FAT4: variants seen among roughly 807,000 people sequenced by gnomAD.
The protein encoded by FAT4 is FAT atypical cadherin 4, also known as protocadherin Fat 4.
In FAT4, 84 loss-of-function variants were observed where a neutral mutation model predicts 303.9. That is an observed-to-expected ratio of 0.28 (90% confidence interval 0.23 to 0.33). The LOEUF (loss-of-function observed/expected upper bound fraction) is 0.33. FAT4 is among the 10% of genes least tolerant of loss of function. FAT4 has a pLI of 1.00. For missense variants in FAT4, 6,005 were observed against 6,146.8 expected (o/e 0.98, Z 0.77); for synonymous variants, 2,307 against 2,298.8 (o/e 1.00, Z -0.10).
chr4:125,393,539 C>T (rs917476844), intron 2 of FAT4, among the ~76,000 whole-genome samples: 3 of 152,086 alleles, frequency 2.0e-5, no homozygotes, highest in Non-Finnish European at 4.4e-5. Context: ...AATTAATCCC[C>T]ATGTATAATA....
chr4:125,387,437 T>C (rs1345544971), intron 2 of FAT4, among the ~76,000 whole-genome samples: 1 of 152,222 alleles, frequency 6.6e-6, no homozygotes, highest in Non-Finnish European at 1.5e-5. Flanking sequence ...ATTGTACTTG[T>C]GCCATTATTT....
chr4:125,319,101 TAG>T lies in FAT4; in HGVS notation c.2695_2696del (p.Ser899CysfsTer22). 1 of 1,614,094 alleles carries T rather than the reference TAG, an allele frequency of 6.2e-7. No individual in the cohort carries two copies. Among genetic ancestry groups the T allele is most frequent in the Non-Finnish European group, 8.5e-7 (1 of 1,180,004 alleles). ...AACTCTCCCCATTTCCTTCAGGCAA[TAG>T]AGAGTGTAAATGTGGTGGAGAATTG... On this transcript the variant is annotated frameshift_variant, in exon 2 of 18. Coordinates refer to ENST00000394329, the MANE Select transcript of FAT4 (RefSeq NM_001291303.3). LOFTEE classifies it high-confidence loss of function.
At chr4:125,358,522 A>G (rs1258070792) in intron 2 of FAT4, among the ~76,000 whole-genome samples, 2 of 152,044 alleles carry the variant, frequency 1.3e-5, no homozygotes, top group Non-Finnish European at 2.9e-5. Context: ...GGAGCGTGCA[A>G]CTTAGATCCC....
intron 8 of FAT4, among the ~76,000 whole-genome samples, chr4:125,444,848 A>G (rs1219330122): frequency 6.6e-6 from 1 of 152,138 alleles, no homozygotes; most frequent in African/African-American, 2.4e-5. Flanking sequence ...GGTTCCAAAA[A>G]TAAAATTACA....
At position 125,364,495 on chromosome 4, in the gene FAT4, T is replaced by C. The variant is rs1017145938; in HGVS notation, c.5176-34289T>C. ...GAGAAAGAATAGGGGACTTTCAGAATATATTAGAAGGGAACCCAAACTAGA... is the reference window on the plus strand; with the variant it reads ...GAGAAAGAATAGGGGACTTTCAGAACATATTAGAAGGGAACCCAAACTAGA... On this transcript the variant is annotated intron_variant, in intron 2 of 17. Coordinates refer to ENST00000394329, the MANE Select transcript of FAT4 (RefSeq NM_001291303.3). 6.0e-5 allele frequency among the ~76,000 whole-genome samples: 9 copies of C among 151,256 alleles called. 1 individual carries two copies. The highest frequency in any genetic ancestry group is 5.3e-4 in the Admixed American group (8 of 15,128).
intron 16 of FAT4, among the ~76,000 whole-genome samples, chr4:125,484,934 C>T (rs2126090274): frequency 6.6e-6 from 1 of 152,030 alleles, no homozygotes; most frequent in East Asian, 2.0e-4. Flanking sequence ...CTCACTGCAG[C>T]CTCTGCCTCC....
chr4:125,344,302 A>T (rs1469723074), intron 2 of FAT4, among the ~76,000 whole-genome samples: 1 of 152,186 alleles, frequency 6.6e-6, no homozygotes, highest in African/African-American at 2.4e-5. Flanking sequence ...CAAATTTATT[A>T]GGTGAATTAT....
At chr4:125,406,809 G>T in intron 3 of FAT4, 71 bp from the exon 4 acceptor site, 21 of 1,524,518 alleles carry the variant, frequency 1.4e-5, no homozygotes, top group Non-Finnish European at 1.7e-5. Context: ...TCAAATACAT[G>T]TTCAAAAGAA....
chr4:125,403,563 C>T (rs1734469861), intron 3 of FAT4, among the ~76,000 whole-genome samples: 2 of 152,024 alleles, frequency 1.3e-5, no homozygotes, highest in Admixed American at 1.3e-4. Flanking sequence ...CTGACACCCA[C>T]ATAAAATGAC....
At chr4:125,350,700 G>T (rs947554133) in intron 2 of FAT4, among the ~76,000 whole-genome samples, 4 of 151,632 alleles carry the variant, frequency 2.6e-5, no homozygotes, top group African/African-American at 9.7e-5. Flanking sequence ...TGGAAAAATG[G>T]TTACTGGCGG....
In FAT4 at chr4:125,408,799, G is replaced by T; in HGVS notation, c.5920+5G>T. ...ATGTTACTGATGCAGATGATGGTAT[G>T]TATTTTATTTAATATAATTTTTAAA... On this transcript the variant is annotated splice_donor_5th_base_variant and intron_variant, in intron 5 of 17. Coordinates refer to ENST00000394329, the MANE Select transcript of FAT4 (RefSeq NM_001291303.3). The T allele has an allele frequency of 7.4e-7, 1 of 1,354,958 alleles. No homozygotes were observed. The highest frequency in any genetic ancestry group is 9.9e-7 in the Non-Finnish European group (1 of 1,005,852). 83.9% of individuals were successfully genotyped at this position (1,354,958 alleles called of 1,614,324 possible).
At chr4:125,465,743 G>A (rs370068418) in intron 11 of FAT4, among the ~76,000 whole-genome samples, 3 of 152,172 alleles carry the variant, frequency 2.0e-5, no homozygotes, top group South Asian at 2.1e-4. Context: ...ACACATAGCC[G>A]GCAGTGCAAA....
intron 14 of FAT4, 112 bp downstream of exon 14, chr4:125,477,446 G>T (rs1028926616): frequency 9.2e-6 from 9 of 975,436 alleles, no homozygotes; most frequent in African/African-American, 3.4e-5. Flanking sequence ...AATACCAAAT[G>T]ATTTACATTG....
intron 10 of FAT4, among the ~76,000 whole-genome samples, chr4:125,458,545 G>A (rs1726372735): frequency 6.6e-6 from 1 of 151,856 alleles, no homozygotes; most frequent in Non-Finnish European, 1.5e-5. Flanking sequence ...AATAAAGAGT[G>A]CAATTATTTT....
At chr4:125,488,339 A>T (rs1016305031) in intron 17 of FAT4, among the ~76,000 whole-genome samples, 3 of 152,188 alleles carry the variant, frequency 2.0e-5, no homozygotes, top group Non-Finnish European at 4.4e-5. Flanking sequence ...AAGTAATTGA[A>T]AACTTTAATC....
rs769295184 is a variant in FAT4 at position 125,468,628 on chromosome 4, A to G, written c.12022A>G (p.Lys4008Glu). The change falls in exon 12 of 18, where the codon AAA (lysine) becomes GAA (glutamate). Residue 4008 changes from lysine to glutamate, a missense_variant. Coordinates refer to ENST00000394329, the MANE Select transcript of FAT4 (RefSeq NM_001291303.3). The stretch of plus-strand genomic sequence containing the variant: ...TATTTATGTCAAATTTGCCACGATT[A>G]AAAGTCATGCCTTATTGCTTTACAA... ...NYIYVKFATI[K>E]SHALLLYNYD... 6.2e-7 allele frequency: 1 copy of G among 1,614,126 alleles called. No homozygotes were observed. Among genetic ancestry groups the G allele is most frequent in the Non-Finnish European group, 8.5e-7 (1 of 1,180,020 alleles).
At chr4:125,431,645 G>A (rs1469898655) in intron 7 of FAT4, among the ~76,000 whole-genome samples, 2 of 152,114 alleles carry the variant, frequency 1.3e-5, no homozygotes, top group Non-Finnish European at 2.9e-5. Flanking sequence ...CCCCTTTGGG[G>A]TAGAGTCTAT....
chr4:125,340,479 G>A (rs1334786549), intron 2 of FAT4, among the ~76,000 whole-genome samples: 2 of 151,996 alleles, frequency 1.3e-5, no homozygotes, highest in Non-Finnish European at 2.9e-5. Context: ...CGCCTCCCGG[G>A]TTCACGCCAT....
rs746388291 is a variant in FAT4, at chr4:125,415,488, A to T, written c.6525A>T (p.Gln2175His). 2.5e-6 allele frequency: 4 copies of T among 1,614,122 alleles called. No individual in the cohort carries two copies. Among genetic ancestry groups the T allele is most frequent in the Non-Finnish European group, 3.4e-6 (4 of 1,179,974 alleles). ...CACTTACTGGAACAGATATAATACA[A>T]GTGTTCGCAGCAGATGGAGATGAAG... ...ENTLTGTDII[Q>H]VFAADGDEGT... Residue 2175 changes from glutamine to histidine, a missense_variant, in exon 6 of 18, where the codon CAA becomes CAT. By Grantham distance (24) the Gln-to-His change is conservative (BLOSUM62 0). Coordinates refer to ENST00000394329, the MANE Select transcript of FAT4 (RefSeq NM_001291303.3).
Sources: allele counts gnomAD v4.1 joint callset (sites outside exome capture counted in the v4.1 genomes callset), GRCh38; gene constraint gnomAD v4.1.1; transcripts MANE v1.5; gene names NCBI Gene and HGNC (gene_info 2026-07-23, HGNC 2026-07-21).